Variants in ZNF804B observed in about 807,000 individuals in gnomAD.
ZNF804B encodes zinc finger protein 804B.
ZNF804B carries 80 observed loss-of-function variants against 101.4 expected under a neutral mutation model. That is an observed-to-expected ratio of 0.79 (90% CI 0.66 to 0.95). The LOEUF is 0.95. ZNF804B is among the 40% of genes least tolerant of loss of function. ZNF804B has a pLI of 0.00. For missense variants in ZNF804B, 1,673 were observed against 1,561.9 expected, an observed-to-expected ratio of 1.07 and a Z score of -1.20; for synonymous variants, 622 against 558.8, an observed-to-expected ratio of 1.11 and a Z score of -1.59.
rs974688624 is a variant in ZNF804B at position 89,183,856 on chromosome 7, G to A, written c.109-34299G>A. On this transcript the variant is annotated intron_variant, in intron 1 of 3. Transcript: ENST00000333190. ...TCCAAATTCAGGATCTTGTCGGGAG[G>A]CATGAGTCATTCAGAATCCAGCAGA... 3.3e-5 allele frequency among the ~76,000 whole-genome samples: 5 copies of A among 152,210 alleles called. No homozygotes were observed. The East Asian group carries it at 9.7e-4, about 29-fold the overall frequency.
chr7:89,266,372 T>C (rs1789796213), intron 2 of ZNF804B, among the ~76,000 whole-genome samples: 1 of 152,150 alleles, frequency 6.6e-6, no homozygotes, highest in South Asian at 2.1e-4. Flanking sequence ...CTGATATTAA[T>C]ATATATTATA....
At chr7:89,127,138 A>C (rs1343089659) in intron 1 of ZNF804B, among the ~76,000 whole-genome samples, 1 of 152,132 alleles carries the variant, frequency 6.6e-6, no homozygotes, top group Non-Finnish European at 1.5e-5. Flanking sequence ...AGATTGTGTC[A>C]AAGAATATGT....
At chr7:88,784,884 A>T (rs1790277147) in intron 1 of ZNF804B, among the ~76,000 whole-genome samples, 1 of 151,956 alleles carries the variant, frequency 6.6e-6, no homozygotes, top group African/African-American at 2.4e-5. Flanking sequence ...CTTCTTGGCA[A>T]TTTAAATTAT....
intron 1 of ZNF804B, among the ~76,000 whole-genome samples, chr7:89,134,455 G>T (rs1790600375): frequency 6.6e-6 from 1 of 152,004 alleles, no homozygotes; most frequent in Non-Finnish European, 1.5e-5. Context: ...CAGAAACAAT[G>T]AATGAAGAAT....
chr7:88,996,793 C>T (rs1788207942), intron 1 of ZNF804B, among the ~76,000 whole-genome samples: 1 of 152,036 alleles, frequency 6.6e-6, no homozygotes, highest in African/African-American at 2.4e-5. Context: ...AAAGTAGCCT[C>T]AGAAGGAATC....
chr7:88,891,527 G>A (rs2115930967), intron 1 of ZNF804B, among the ~76,000 whole-genome samples: 1 of 151,886 alleles, frequency 6.6e-6, no homozygotes, highest in East Asian at 1.9e-4. Context: ...TTAACTTGAA[G>A]TATTTATTGC....
intron 1 of ZNF804B, among the ~76,000 whole-genome samples, chr7:88,856,016 T>C (rs1221671552): frequency 6.6e-6 from 1 of 152,316 alleles, no homozygotes; most frequent in African/African-American, 2.4e-5. Context: ...AGCCTTGTAG[T>C]ATAGTTTGAA....
rs150620820 is a variant in ZNF804B, at chr7:88,987,556, G to A, written c.108+227472G>A. 2.1e-4 allele frequency among the ~76,000 whole-genome samples: 32 copies of A among 151,990 alleles called. No homozygotes were observed. The East Asian group carries it at 6.0e-3, about 29-fold the overall frequency. ...TTGTAATTTCTTTAAGTATAGGCAGGGCAAGATAAAAACACTTTTTTTTTA... is the reference window on the plus strand; with the variant it reads ...TTGTAATTTCTTTAAGTATAGGCAGAGCAAGATAAAAACACTTTTTTTTTA... On this transcript the variant is annotated intron_variant, in intron 1 of 3. Coordinates refer to ENST00000333190, the MANE Select transcript of ZNF804B (RefSeq NM_181646.5).
intron 1 of ZNF804B, among the ~76,000 whole-genome samples, chr7:89,210,160 AAAG>A (rs1453205747): frequency 6.7e-6 from 1 of 149,944 alleles, no homozygotes; most frequent in East Asian, 1.9e-4. Flanking sequence ...AAAAAAAAAG[AAAG>A]AAATCAATCA....
chr7:88,912,449 T>C (rs1445108150), intron 1 of ZNF804B, among the ~76,000 whole-genome samples: 1 of 152,132 alleles, frequency 6.6e-6, no homozygotes, highest in Non-Finnish European at 1.5e-5. Flanking sequence ...AAGTATAAGT[T>C]ATTAATTTCT....
intron 2 of ZNF804B, among the ~76,000 whole-genome samples, chr7:89,288,531 A>G (rs1398705848): frequency 6.6e-6 from 1 of 152,216 alleles, no homozygotes; most frequent in African/African-American, 2.4e-5. Flanking sequence ...TAACGATGCA[A>G]TAATCAACAA....
intron 1 of ZNF804B, among the ~76,000 whole-genome samples, chr7:88,975,469 A>G (rs1584049021): frequency 6.6e-6 from 1 of 151,432 alleles, no homozygotes; most frequent in East Asian, 2.0e-4. Flanking sequence ...GGAAAAAAAA[A>G]GTGATTTTAA....
At chr7:89,094,927 C>G (rs182132931) in intron 1 of ZNF804B, among the ~76,000 whole-genome samples, 23 of 152,190 alleles carry the variant, frequency 1.5e-4, no homozygotes, top group Admixed American at 1.2e-3. Flanking sequence ...CAATATCTAT[C>G]ATGGTCTTCA....
chr7:88,969,719 C>A (rs1251043159), intron 1 of ZNF804B, among the ~76,000 whole-genome samples: 1 of 151,502 alleles, frequency 6.6e-6, no homozygotes, highest in Non-Finnish European at 1.5e-5. Context: ...CATTTATTAG[C>A]TAAAATTATT....
At chr7:89,168,682 C>CTTTTTTTTTTTTTTTTTTTTTTT (rs372503661) in intron 1 of ZNF804B, among the ~76,000 whole-genome samples, 1 of 115,744 alleles carries the variant, frequency 8.6e-6, no homozygotes, top group South Asian at 3.0e-4. Context: ...GAGCTGAATA[C>CTTTTTTTTTTTTTTTTTTTTTTT]TTTTTTTTTT....
chr7:89,104,906 C>G (rs1164928450), intron 1 of ZNF804B, among the ~76,000 whole-genome samples: 3 of 152,054 alleles, frequency 2.0e-5, no homozygotes, highest in Non-Finnish European at 4.4e-5. Context: ...AGCTGTTTGT[C>G]CTGAGTCAAC....
chr7:88,784,766 A>C (rs1230703740), intron 1 of ZNF804B, among the ~76,000 whole-genome samples: 1 of 152,038 alleles, frequency 6.6e-6, no homozygotes, highest in Non-Finnish European at 1.5e-5. Flanking sequence ...TTGTTATTAA[A>C]CTTACTTTTA....
At chr7:88,968,670 C>T (rs1402106555) in intron 1 of ZNF804B, among the ~76,000 whole-genome samples, 1 of 151,514 alleles carries the variant, frequency 6.6e-6, no homozygotes, top group African/African-American at 2.4e-5. Flanking sequence ...GCATACATTG[C>T]TTTCAAATTG....
At chr7:89,203,484 T>A (rs1788675174) in intron 1 of ZNF804B, among the ~76,000 whole-genome samples, 2 of 152,136 alleles carry the variant, frequency 1.3e-5, no homozygotes, top group South Asian at 4.1e-4. Flanking sequence ...TTTTTTAAAT[T>A]TTTTTCTCAC....
Sources: gnomAD v4.1 joint callset for allele counts (sites outside exome capture counted in the v4.1 genomes callset) on GRCh38, gnomAD v4.1.1 for gene constraint, MANE v1.5 for transcripts, NCBI Gene and HGNC (gene_info 2026-07-23, HGNC 2026-07-21) for gene names.